Variants in EVC2 observed in about 807,000 individuals in gnomAD.
The protein encoded by EVC2 is EvC ciliary complex subunit 2.
Under a neutral mutation model 149.3 loss-of-function variants are expected in EVC2, and 148 were observed. The ratio of observed to expected loss-of-function variants is 0.99; its 90% confidence interval spans 0.87 to 1.14. The LOEUF (loss-of-function observed/expected upper bound fraction) is 1.14. EVC2 is among the 50% of genes most tolerant of loss of function. The pLI is 0.00. For missense variants in EVC2, 1,854 were observed against 1,627.3 expected (o/e 1.14, Z -2.40); for synonymous variants, 776 against 649.9 (o/e 1.19, Z -2.95).
chr4:5,660,975 T>C (rs1577220488), intron 9 of EVC2, among the ~76,000 whole-genome samples: 1 of 152,126 alleles, frequency 6.6e-6, no homozygotes, highest in African/African-American at 2.4e-5. Flanking sequence ...GGGCGTGACA[T>C]GAGCACCAAA....
Position 5,666,615 on chromosome 4 carries a change from T to A in EVC2, c.871-966A>T, listed in dbSNP as rs66586049. Among the ~76,000 whole-genome samples the A allele has an allele frequency of 3.9e-5, 6 of 152,230 alleles. No individual in the cohort carries two copies. In the South Asian group the frequency reaches 1.2e-3, roughly 32 times the overall value. On this transcript the variant is annotated intron_variant, in intron 7 of 21. Transcript: ENST00000344408. ...TCAAATTTACTTTTTCTTAAAGTCA[T>A]CATTCCCAGAGTTCTCTGACTTTCT...
chr4:5,595,316 G>C (rs549332698), intron 16 of EVC2, among the ~76,000 whole-genome samples: 12 of 152,196 alleles, frequency 7.9e-5, no homozygotes, highest in Non-Finnish European at 1.6e-4. Flanking sequence ...GGCAGCCAGA[G>C]AGAAAGGTCG....
At chr4:5,555,063 T>TAAG (rs34927371) in intron 21 of EVC2, among the ~76,000 whole-genome samples, 90,349 of 127,128 alleles carry the variant, frequency 0.71, 27,719 homozygotes, top group Non-Finnish European at 0.75. Flanking sequence ...TGCATGTGTG[T>TAAG]AAGGAGAGTT....
At chr4:5,654,347 G>A (rs1718361430) in intron 9 of EVC2, among the ~76,000 whole-genome samples, 1 of 152,164 alleles carries the variant, frequency 6.6e-6, no homozygotes, top group African/African-American at 2.4e-5. Flanking sequence ...GGGTCTCTCA[G>A]AAGCTCCTCT....
At chr4:5,619,323 T>C (rs753877688) in intron 14 of EVC2, among the ~76,000 whole-genome samples, 1 of 152,218 alleles carries the variant, frequency 6.6e-6, no homozygotes, top group Non-Finnish European at 1.5e-5. Context: ...GATGAGGCCA[T>C]ATTGGAGCAC....
At chr4:5,593,236 G>A (rs555535075) in intron 16 of EVC2, among the ~76,000 whole-genome samples, 12 of 152,282 alleles carry the variant, frequency 7.9e-5, no homozygotes, top group Middle Eastern at 3.4e-3. Context: ...CAACCTTCCA[G>A]AAGTACGCCA....
chr4:5,534,384 T>C, the EVC2 span, among the ~76,000 whole-genome samples: 1 of 152,152 alleles, frequency 6.6e-6, no homozygotes, highest in Non-Finnish European at 1.5e-5. Flanking sequence ...GATAGATGGA[T>C]GGATGGATAG....
At chr4:5,574,865 T>C (rs1722826182) in intron 18 of EVC2, 93 bp from the exon 19 acceptor site, 1 of 1,271,980 alleles carries the variant, frequency 7.9e-7, no homozygotes, top group Admixed American at 1.8e-5. Flanking sequence ...GAAGCACACA[T>C]CTCAGCCATA....
intron 1 of EVC2, among the ~76,000 whole-genome samples, chr4:5,704,858 A>C (rs1722034360): frequency 6.8e-6 from 1 of 146,164 alleles, no homozygotes; most frequent in Admixed American, 6.8e-5. Flanking sequence ...GGCATGTGCT[A>C]TCACACACAG....
chr4:5,615,201 C>A (rs549930108), intron 16 of EVC2, among the ~76,000 whole-genome samples: 2 of 152,144 alleles, frequency 1.3e-5, no homozygotes, highest in Admixed American at 6.5e-5. Context: ...GATCCCCAGA[C>A]TGAGAAGTGG....
Position 5,706,305 on chromosome 4 carries a change from C to A in EVC2, c.228+1981G>T, listed in dbSNP as rs370392911. 5.6e-4 allele frequency among the ~76,000 whole-genome samples: 30 copies of A among 53,140 alleles called. 3 individuals carry two copies. In the South Asian group the frequency reaches 9.0e-3, roughly 16 times the overall value. The allele number at this position is 53,140 out of a possible 152,430, so 34.9% of individuals were successfully genotyped here. ...AAGGTGCAATAAATATAGATAGATA[C>A]ATAGATAGATAGATACATAGATAGA... On this transcript the variant is annotated intron_variant, in intron 1 of 21. Transcript: ENST00000344408.
In EVC2 at chr4:5,543,302, C is replaced by A. The variant is rs1389579397; in HGVS notation, c.3420-90G>T. On this transcript the variant is annotated intron_variant and NMD_transcript_variant, in intron 21 of 22. Coordinates refer to the EVC2 transcript ENST00000475313. ...ACCATCCACCCCAAGCCGGCAGGAG[C>A]ACTCCATAAACACACTCTTCCCTTC... 3 of 777,542 alleles carry A rather than the reference C, an allele frequency of 3.9e-6. No homozygotes were observed. The East Asian group carries it at 1.9e-4, about 50-fold the overall frequency. The allele number at this position is 777,542 out of a possible 1,614,324, so 48.2% of individuals were successfully genotyped here.
intron 2 of EVC2, 131 bp from the exon 3 acceptor site, chr4:5,694,632 G>A (rs1469676924): frequency 1.0e-5 from 10 of 953,086 alleles, no homozygotes; most frequent in Non-Finnish European, 1.7e-5. Context: ...GTAAGTTAAT[G>A]AAGGAATGAA....
intron 1 of EVC2, among the ~76,000 whole-genome samples, chr4:5,707,256 A>G (rs931175936): frequency 6.6e-6 from 1 of 152,206 alleles, no homozygotes; most frequent in Non-Finnish European, 1.5e-5. Flanking sequence ...GGACACTGAC[A>G]TGGCGTTTTT....
intron 9 of EVC2, among the ~76,000 whole-genome samples, chr4:5,650,638 TAGAGAGAGAG>T (rs375595646): frequency 0.018 from 797 of 44,940 alleles, 7 homozygotes; most frequent in Non-Finnish European, 0.025. Flanking sequence ...TATATATATA[TAGAGAGAGAG>T]AGAGAGAGAG....
At chr4:5,605,238 G>A (rs1049407005) in intron 16 of EVC2, among the ~76,000 whole-genome samples, 4 of 152,190 alleles carry the variant, frequency 2.6e-5, no homozygotes, top group African/African-American at 7.2e-5. Context: ...TGCACATCAC[G>A]CGCAGGACTT....
chr4:5,588,823 AC>A (rs769363026), intron 16 of EVC2, among the ~76,000 whole-genome samples: 1 of 152,224 alleles, frequency 6.6e-6, no homozygotes, highest in African/African-American at 2.4e-5. Flanking sequence ...TGACTGTTTT[AC>A]CCCATTTATG....
chr4:5,654,315 G>A (rs534950710), intron 9 of EVC2, among the ~76,000 whole-genome samples: 43 of 152,218 alleles, frequency 2.8e-4, no homozygotes, highest in East Asian at 1.9e-3. Flanking sequence ...AAGGCCCTGC[G>A]GCAGAGATGG....
At chr4:5,537,976 T>C (rs1010673971), downstream of EVC2, among the ~76,000 whole-genome samples, 3 of 145,934 alleles carry the variant, frequency 2.1e-5, no homozygotes, top group Admixed American at 1.4e-4. Context: ...AAAAACAGTA[T>C]AGAAAATCAA....
Sources: gnomAD v4.1 joint callset for allele counts (sites outside exome capture counted in the v4.1 genomes callset) on GRCh38, gnomAD v4.1.1 for gene constraint, MANE v1.5 for transcripts, NCBI Gene and HGNC (gene_info 2026-07-23, HGNC 2026-07-21) for gene names.